The following HMCN1 variants were observed in gnomAD, a reference collection of about 807,000 sequenced individuals.
HMCN1 encodes the protein hemicentin 1, also known as hemicentin-1.
Under a neutral mutation model 625.9 loss-of-function variants are expected in HMCN1, and 321 were observed. The observed-to-expected ratio is 0.51, with a 90% CI of 0.47 to 0.56. The LOEUF (loss-of-function observed/expected upper bound fraction) is 0.56. Among genes scored for constraint, HMCN1 ranks in the 20% least tolerant of loss-of-function variants. HMCN1 has a pLI of 0.00. For synonymous variants in HMCN1, 2,425 were observed against 2,417.6 expected, an observed-to-expected ratio of 1.00 and a Z score of -0.09; for missense variants, 6,588 against 6,887.3, an observed-to-expected ratio of 0.96 and a Z score of 1.54.
chr1:186,153,334 G>A (rs1235007034), intron 96 of HMCN1, among the ~76,000 whole-genome samples: 1 of 152,018 alleles, frequency 6.6e-6, no homozygotes, highest in African/African-American at 2.4e-5. Flanking sequence ...GTTATTTCCT[G>A]AACACTACTG....
intron 43 of HMCN1, 33 bp from the exon 44 acceptor site, chr1:186,053,792 G>C (rs769753106): frequency 6.2e-7 from 1 of 1,609,136 alleles, no homozygotes; most frequent in South Asian, 1.1e-5. Context: ...TTACATTTCT[G>C]CCTCATATTC....
Position 186,172,102 on chromosome 1 carries a change from T to G in HMCN1, c.15785T>G (p.Met5262Arg), listed in dbSNP as rs778235292. The G allele has an allele frequency of 2.5e-6, 4 of 1,613,762 alleles. No homozygotes were observed. The Admixed American group carries it at 6.7e-5, about 27-fold the overall frequency. ...YKCIDLCPNGMTKAENGTCID... is the reference protein window; with the variant it reads ...YKCIDLCPNGRTKAENGTCID... The stretch of plus-strand genomic sequence containing the variant: ...TGCATTGATCTTTGTCCAAATGGAA[T>G]GACCAAGGCAGAAAATGGAACCTGT... Residue 5262 changes from methionine to arginine, a missense_variant, in exon 102 of 107, where the codon ATG (methionine) becomes AGG (arginine). Coordinates refer to ENST00000271588, the MANE Select transcript of HMCN1 (RefSeq NM_031935.3).
chr1:186,070,515 C>T, intron 51 of HMCN1, 97 bp from the exon 52 acceptor site: 1 of 1,092,004 alleles, frequency 9.2e-7, no homozygotes, highest in Non-Finnish European at 1.4e-6. Context: ...CTGTTATTTC[C>T]TTGTTTTCTT....
At chr1:185,937,287 C>T (rs767221882) in intron 11 of HMCN1, among the ~76,000 whole-genome samples, 2 of 152,122 alleles carry the variant, frequency 1.3e-5, no homozygotes, top group Non-Finnish European at 2.9e-5. Flanking sequence ...TTTATTGGCT[C>T]ACAGTGCTGA....
chr1:186,154,061 A>T (rs564273931), intron 97 of HMCN1, 74 bp downstream of exon 97: 1 of 1,134,278 alleles, frequency 8.8e-7, no homozygotes. Context: ...AAATAAGGAC[A>T]TTGAGGCCTA....
intron 80 of HMCN1, among the ~76,000 whole-genome samples, chr1:186,120,486 T>C (rs1328069648): frequency 6.6e-6 from 1 of 152,238 alleles, no homozygotes; most frequent in Non-Finnish European, 1.5e-5. Context: ...AAACACTGGA[T>C]TATAACGTTC....
intron 15 of HMCN1, among the ~76,000 whole-genome samples, chr1:185,976,953 G>A (rs1651256955): frequency 6.6e-6 from 1 of 151,962 alleles, no homozygotes; most frequent in Admixed American, 6.6e-5. Context: ...TAAGTTTCCA[G>A]GATGTATTGA....
chr1:186,070,897 T>A, intron 52 of HMCN1, 140 bp downstream of exon 52: 1 of 850,454 alleles, frequency 1.2e-6, no homozygotes. Context: ...TCCTAGAATC[T>A]AAAACTTAAA....
At chr1:185,887,705 C>A (rs559630451) in intron 4 of HMCN1, among the ~76,000 whole-genome samples, 3,517 of 142,218 alleles carry the variant, frequency 0.025, 166 homozygotes, top group African/African-American at 0.093. Context: ...TCCAGTCTAT[C>A]ATTGTTGGAC....
chr1:185,961,926 G>A (rs569255078), intron 11 of HMCN1, among the ~76,000 whole-genome samples: 1 of 152,190 alleles, frequency 6.6e-6, no homozygotes, highest in Non-Finnish European at 1.5e-5. Flanking sequence ...TTACAGTTTA[G>A]GAAACTGCAT....
At chr1:185,925,853 A>G (rs1392711137) in intron 9 of HMCN1, among the ~76,000 whole-genome samples, 1 of 152,186 alleles carries the variant, frequency 6.6e-6, no homozygotes, top group Non-Finnish European at 1.5e-5. Context: ...TGTGGGAAAG[A>G]CAGACAGGAG....
chr1:186,091,900 A>G (rs538727920), intron 64 of HMCN1, among the ~76,000 whole-genome samples: 1 of 152,100 alleles, frequency 6.6e-6, no homozygotes, highest in African/African-American at 2.4e-5. Context: ...TAAAATTTCT[A>G]GTCTTTCAGA....
At chr1:186,174,090 G>C (rs915625817) in intron 102 of HMCN1, among the ~76,000 whole-genome samples, 4 of 152,132 alleles carry the variant, frequency 2.6e-5, no homozygotes, top group African/African-American at 4.8e-5. Context: ...AGGCATTGAG[G>C]GTGTGCTGGG....
intron 40 of HMCN1, among the ~76,000 whole-genome samples, chr1:186,042,281 G>A (rs778350483): frequency 9.2e-5 from 14 of 152,100 alleles, no homozygotes; most frequent in Admixed American, 2.6e-4. Flanking sequence ...GAATTGAGCC[G>A]CTTTTATGCT....
At chr1:185,952,959 C>G (rs1185242025) in intron 11 of HMCN1, among the ~76,000 whole-genome samples, 3 of 147,810 alleles carry the variant, frequency 2.0e-5, no homozygotes, top group Admixed American at 6.7e-5. Context: ...GGTTGGGGTG[C>G]AGAAATAAGG....
chr1:186,151,165 T>C (rs1558261916), intron 93 of HMCN1, 35 bp from the exon 94 acceptor site: 1 of 1,611,594 alleles, frequency 6.2e-7, no homozygotes. Flanking sequence ...TGAAATTGCA[T>C]CCTTATCCAG....
At chr1:185,939,369 T>TA (rs1262715455) in intron 11 of HMCN1, among the ~76,000 whole-genome samples, 1 of 152,206 alleles carries the variant, frequency 6.6e-6, no homozygotes, top group African/African-American at 2.4e-5. Flanking sequence ...AAGCAGGGTT[T>TA]ACCACAAGAC....
chr1:186,156,537 C>G (rs975644135), intron 97 of HMCN1, among the ~76,000 whole-genome samples: 1 of 152,172 alleles, frequency 6.6e-6, no homozygotes, highest in African/African-American at 2.4e-5. Flanking sequence ...AGTGAACACC[C>G]TTACACACTG....
intron 1 of HMCN1, among the ~76,000 whole-genome samples, chr1:185,837,012 G>C (rs1358089674): frequency 6.7e-6 from 1 of 149,004 alleles, no homozygotes; most frequent in East Asian, 1.9e-4. Context: ...CATGGTGTGT[G>C]TGTGTGTGTG....
Sources: gnomAD v4.1 joint callset for allele counts (sites outside exome capture counted in the v4.1 genomes callset) on GRCh38, gnomAD v4.1.1 for gene constraint, MANE v1.5 for transcripts, NCBI Gene and HGNC (gene_info 2026-07-23, HGNC 2026-07-21) for gene names.